Variants in NALF1 observed in about 807,000 individuals in gnomAD.
NALF1 encodes the protein NALCN channel auxiliary factor 1.
NALF1 carries 3 observed loss-of-function variants against 48.4 expected under a neutral mutation model. That is an observed-to-expected ratio of 0.06 (90% CI 0.03 to 0.16). The LOEUF is 0.16. Ranked by LOEUF, NALF1 falls within the 10% of genes least tolerant of loss-of-function variation. The pLI, the probability that NALF1 is intolerant of heterozygous loss-of-function variation, is 1.00. For missense variants in NALF1, 526 were observed against 571.5 expected (o/e 0.92, Z 0.81); for synonymous variants, 262 against 245.7 (o/e 1.07, Z -0.62).
At position 107,664,439 on chromosome 13, in the gene NALF1, A is replaced by T. The variant is rs3909010; in HGVS notation, c.915+201243T>A. The stretch of plus-strand genomic sequence containing the variant: ...TATTTTCAACACAGTGTCAAGTAAG[A>T]CAGGTCGTGTCCCTCTTCTAAGCAT... On this transcript the variant is annotated intron_variant, in intron 1 of 2. Transcript: ENST00000375915. Among the ~76,000 whole-genome samples the T allele has an allele frequency of 0.018, 2,680 of 152,206 alleles. 148 individuals are homozygous for T. The East Asian group carries it at 0.2, about 12-fold the overall frequency.
chr13:107,832,182 G>A (rs1594301312), intron 1 of NALF1, among the ~76,000 whole-genome samples: 1 of 151,936 alleles, frequency 6.6e-6, no homozygotes, highest in East Asian at 1.9e-4. Context: ...TAGAAATAAT[G>A]ATGGATATTC....
intron 1 of NALF1, among the ~76,000 whole-genome samples, chr13:107,791,353 A>C (rs569863858): frequency 9.9e-4 from 150 of 152,168 alleles, no homozygotes; most frequent in Non-Finnish European, 1.5e-3. Context: ...TGTCTATCAT[A>C]TCTAGCTAGC....
intron 1 of NALF1, among the ~76,000 whole-genome samples, chr13:107,354,756 C>T (rs1375539528): frequency 6.6e-6 from 1 of 152,086 alleles, no homozygotes; most frequent in African/African-American, 2.4e-5. Flanking sequence ...TTCCTAAGGC[C>T]TTTGGTTCCT....
At chr13:107,392,075 A>G (rs550071585) in intron 1 of NALF1, among the ~76,000 whole-genome samples, 1 of 152,172 alleles carries the variant, frequency 6.6e-6, no homozygotes, top group Admixed American at 6.6e-5. Context: ...AAATTGTCGA[A>G]CTTTATTTGA....
intron 1 of NALF1, among the ~76,000 whole-genome samples, chr13:107,398,096 G>A (rs1016892002): frequency 1.3e-5 from 2 of 152,084 alleles, no homozygotes; most frequent in Non-Finnish European, 2.9e-5. Flanking sequence ...ACAGAATTGG[G>A]CATTTTTTTC....
chr13:107,242,761 A>G (rs1295958541), intron 1 of NALF1, among the ~76,000 whole-genome samples: 2 of 152,134 alleles, frequency 1.3e-5, no homozygotes, highest in African/African-American at 4.8e-5. Context: ...GACAAGTTCT[A>G]TATAACCTTG....
intron 1 of NALF1, among the ~76,000 whole-genome samples, chr13:107,628,636 C>T (rs903279167): frequency 5.9e-5 from 9 of 152,144 alleles, no homozygotes; most frequent in South Asian, 4.1e-4. Context: ...TTGTCTTAAG[C>T]AATGCCGCCA....
intron 1 of NALF1, among the ~76,000 whole-genome samples, chr13:107,844,418 A>C (rs968903635): frequency 6.6e-6 from 1 of 152,182 alleles, no homozygotes; most frequent in Non-Finnish European, 1.5e-5. Flanking sequence ...GGTCATTCTT[A>C]AGATATACTT....
intron 2 of NALF1, among the ~76,000 whole-genome samples, chr13:107,187,167 G>A (rs1469105537): frequency 1.3e-5 from 2 of 152,058 alleles, no homozygotes; most frequent in Non-Finnish European, 2.9e-5. Flanking sequence ...GAATAATCCT[G>A]GGTAATCTCT....
At chr13:107,663,255 C>T (rs759006048) in intron 1 of NALF1, among the ~76,000 whole-genome samples, 1 of 152,160 alleles carries the variant, frequency 6.6e-6, no homozygotes, top group Non-Finnish European at 1.5e-5. Flanking sequence ...CATAACAGCA[C>T]ATAAAATTCA....
chr13:107,251,274 C>T (rs1372307432), intron 1 of NALF1, among the ~76,000 whole-genome samples: 5 of 152,160 alleles, frequency 3.3e-5, no homozygotes, highest in African/African-American at 1.2e-4. Flanking sequence ...ATTTCCCCCT[C>T]ATTATTAGAT....
chr13:107,493,125 T>C (rs1397153259), intron 1 of NALF1, among the ~76,000 whole-genome samples: 2 of 152,234 alleles, frequency 1.3e-5, no homozygotes, highest in Admixed American at 6.5e-5. Flanking sequence ...CAAAAAGATA[T>C]CTCCATTTCC....
intron 1 of NALF1, among the ~76,000 whole-genome samples, chr13:107,769,690 T>A (rs1439283931): frequency 4.8e-5 from 7 of 147,034 alleles, no homozygotes; most frequent in East Asian, 2.0e-4. Context: ...TAAAGTATAA[T>A]AAAAAAAAAA....
chr13:107,363,282 T>C (rs894314980), intron 1 of NALF1, among the ~76,000 whole-genome samples: 6 of 152,198 alleles, frequency 3.9e-5, no homozygotes, highest in African/African-American at 1.4e-4. Context: ...ACTTGGATTA[T>C]CTGATTTGTT....
intron 1 of NALF1, among the ~76,000 whole-genome samples, chr13:107,699,921 A>G (rs1303796851): frequency 6.6e-6 from 1 of 152,114 alleles, no homozygotes; most frequent in Non-Finnish European, 1.5e-5. Flanking sequence ...AATCAAAGCA[A>G]AAATATTAAT....
chr13:107,520,743 C>T (rs74938563), intron 1 of NALF1, among the ~76,000 whole-genome samples: 1 of 152,176 alleles, frequency 6.6e-6, no homozygotes, highest in Non-Finnish European at 1.5e-5. Flanking sequence ...CATCATAGAA[C>T]GTTTGCATCA....
In NALF1 at chr13:107,854,736, C is replaced by T. The variant is rs184497855; in HGVS notation, c.915+10946G>A. On this transcript the variant is annotated intron_variant, in intron 1 of 2. Coordinates refer to ENST00000375915, the MANE Select transcript of NALF1 (RefSeq NM_001080396.3). ...AAGTACAAAAAAAATTAGCCACGCA[C>T]GGTGGTGTGCACCTGTAATCCCAGC... 3.9e-3 allele frequency among the ~76,000 whole-genome samples: 591 copies of T among 151,902 alleles called. 1 individual carries two copies. The highest frequency in any genetic ancestry group is 0.013 in the African/African-American group (546 of 41,440).
intron 2 of NALF1, among the ~76,000 whole-genome samples, chr13:107,197,852 T>G (rs960679638): frequency 1.3e-5 from 2 of 152,186 alleles, no homozygotes; most frequent in African/African-American, 2.4e-5. Context: ...ATTCATCCCT[T>G]TGTGGAAATA....
At chr13:107,398,646 AC>A (rs1227613060) in intron 1 of NALF1, among the ~76,000 whole-genome samples, 2 of 152,122 alleles carry the variant, frequency 1.3e-5, no homozygotes, top group Admixed American at 1.3e-4. Flanking sequence ...AGCAAACTTG[AC>A]TTTAATTCAG....
Sources: allele counts gnomAD v4.1 joint callset (sites outside exome capture counted in the v4.1 genomes callset), GRCh38; gene constraint gnomAD v4.1.1; transcripts MANE v1.5; gene names NCBI Gene and HGNC (gene_info 2026-07-23, HGNC 2026-07-21).